Variants in SMCHD1 observed in about 807,000 individuals in gnomAD.
SMCHD1 encodes structural maintenance of chromosomes flexible hinge domain containing 1.
In SMCHD1, 78 loss-of-function variants were observed where a neutral mutation model predicts 254.7. The ratio of observed to expected loss-of-function variants is 0.31; its 90% CI spans 0.26 to 0.37. The LOEUF is 0.37. SMCHD1 is among the 10% of genes least tolerant of loss of function. SMCHD1 has a pLI of 1.00. For missense variants in SMCHD1, 1,840 were observed against 2,408.1 expected (o/e 0.76, Z 4.94); for synonymous variants, 766 against 794.9 (o/e 0.96, Z 0.61).
At chr18:2,716,879 G>A (rs111315048) in intron 17 of SMCHD1, among the ~76,000 whole-genome samples, 6 of 152,310 alleles carry the variant, frequency 3.9e-5, no homozygotes, top group African/African-American at 1.2e-4. Context: ...GCTGCAAAAC[G>A]TCCTGCCAGG....
chr18:2,670,536 C>A (rs531812773), intron 3 of SMCHD1, among the ~76,000 whole-genome samples: 2 of 152,266 alleles, frequency 1.3e-5, no homozygotes, highest in East Asian at 3.9e-4. Context: ...AATGTTAAAT[C>A]CCTAAGAACA....
In SMCHD1 at chr18:2,722,523, T is replaced by C; in HGVS notation, c.2463T>C (p.Gly821=). The C allele has an allele frequency of 6.2e-7, 1 of 1,612,060 alleles. No homozygotes were observed. Among genetic ancestry groups the C allele is most frequent in the South Asian group, 1.1e-5 (1 of 90,532 alleles). Residue 821 remains glycine, a synonymous_variant, in exon 20 of 48, where the codon GGT becomes GGC. Coordinates refer to ENST00000320876, the MANE Select transcript of SMCHD1 (RefSeq NM_015295.3). The part of the protein sequence containing the change: ...SKAIKFSVKE[G]KPEKFSFGLL... ...TCATTTTTGTTTTTGTTAAAGAGGG[T>C]AAGCCAGAGAAATTTTCATTTGGTC...
intron 10 of SMCHD1, among the ~76,000 whole-genome samples, chr18:2,698,568 G>A (rs978918217): frequency 2.0e-5 from 3 of 152,098 alleles, no homozygotes; most frequent in Admixed American, 6.5e-5. Flanking sequence ...GGGTCTTGCC[G>A]TGTTGCCCAG....
chr18:2,701,038 T>C (rs780228553), intron 12 of SMCHD1, 120 bp downstream of exon 12: 31 of 740,768 alleles, frequency 4.2e-5, no homozygotes, highest in Non-Finnish European at 1.0e-5. Context: ...GATGTATAAA[T>C]TTTTTTATGA....
intron 28 of SMCHD1, 100 bp downstream of exon 28, chr18:2,740,921 A>G: frequency 1.5e-6 from 1 of 665,112 alleles, no homozygotes; most frequent in Non-Finnish European, 2.5e-6. Context: ...GTTTGATTTT[A>G]GTTTTTAAAT....
intron 45 of SMCHD1, among the ~76,000 whole-genome samples, chr18:2,795,078 G>C (rs1472597564): frequency 1.4e-5 from 2 of 142,206 alleles, no homozygotes; most frequent in South Asian, 2.3e-4. Flanking sequence ...TTTTGTTTTT[G>C]AGACGGAGTC....
intron 45 of SMCHD1, among the ~76,000 whole-genome samples, chr18:2,788,157 T>C (rs746642177): frequency 5.9e-5 from 9 of 152,188 alleles, no homozygotes; most frequent in Non-Finnish European, 1.3e-4. Context: ...ACCATAAAAA[T>C]TGTCAACTGC....
At chr18:2,739,651 A>C in intron 27 of SMCHD1, 131 bp downstream of exon 27, 1 of 630,648 alleles carries the variant, frequency 1.6e-6, no homozygotes. Context: ...TATAAAATCT[A>C]TTGTCAGATA....
intron 25 of SMCHD1, among the ~76,000 whole-genome samples, chr18:2,732,892 C>T (rs975831048): frequency 6.6e-6 from 1 of 152,174 alleles, no homozygotes; most frequent in African/African-American, 2.4e-5. Context: ...TTGTTAACTA[C>T]AGAGCCTCTA....
chr18:2,774,691 T>G (rs2076037501), intron 41 of SMCHD1, among the ~76,000 whole-genome samples: 1 of 152,156 alleles, frequency 6.6e-6, no homozygotes, highest in African/African-American at 2.4e-5. Flanking sequence ...TAATACAGTC[T>G]TGGGTCACCA....
intron 12 of SMCHD1, among the ~76,000 whole-genome samples, chr18:2,702,894 C>T (rs1054211319): frequency 2.0e-5 from 3 of 152,110 alleles, no homozygotes; most frequent in Admixed American, 6.5e-5. Flanking sequence ...CTGTCCTCTG[C>T]GAAAGCATGT....
Position 2,782,972 on chromosome 18 carries a change from C to A in SMCHD1, c.5548-1478C>A, listed in dbSNP as rs2076181363. ...TAAATACTGGCTTTACCAAAGAATTCACCACAGGATTTCTTCAAATAACCA... is the reference window on the plus strand; with the variant it reads ...TAAATACTGGCTTTACCAAAGAATTAACCACAGGATTTCTTCAAATAACCA... On this transcript the variant is annotated intron_variant, in intron 44 of 47. Coordinates refer to ENST00000320876, the MANE Select transcript of SMCHD1 (RefSeq NM_015295.3). Among the ~76,000 whole-genome samples the A allele has an allele frequency of 2.0e-5, 3 of 152,020 alleles. No individual in the cohort carries two copies. In the South Asian group the frequency reaches 6.2e-4, roughly 32 times the overall value.
intron 34 of SMCHD1, 33 bp from the exon 35 acceptor site, chr18:2,760,619 T>G (rs1237954844): frequency 1.7e-6 from 2 of 1,178,958 alleles, no homozygotes; most frequent in Non-Finnish European, 2.5e-6. Flanking sequence ...TATACAAACA[T>G]TGTCAGTAAT....
intron 29 of SMCHD1, among the ~76,000 whole-genome samples, chr18:2,744,278 T>G (rs2075406370): frequency 6.6e-6 from 1 of 152,216 alleles, no homozygotes; most frequent in Non-Finnish European, 1.5e-5. Context: ...TGTTCTTTGT[T>G]TTCTTATACT....
chr18:2,752,565 A>G lies in SMCHD1; in HGVS notation c.4346+13A>G. 6.6e-7 allele frequency: 1 copy of G among 1,512,756 alleles called. No individual in the cohort carries two copies. The highest frequency in any genetic ancestry group is 1.1e-5 in the South Asian group (1 of 88,316). 93.7% of individuals were successfully genotyped at this position (1,512,756 alleles called of 1,614,324 possible). A position where few individuals can be genotyped will look rare whatever the true frequency, so the allele number is the denominator to read the frequency against. ...GCTTCTATTTCAGGTATTTCTCAAA[A>G]CATTTCATATTTTGAATACATATCT... is the stretch of plus-strand genomic sequence containing the variant. On this transcript the variant is annotated intron_variant, in intron 34 of 47. Transcript: ENST00000320876.
At chr18:2,755,105 A>T (rs1309658428) in intron 34 of SMCHD1, among the ~76,000 whole-genome samples, 2 of 152,102 alleles carry the variant, frequency 1.3e-5, no homozygotes, top group Non-Finnish European at 2.9e-5. Flanking sequence ...CCCAGGCTGT[A>T]GTGCAGTGGT....
chr18:2,752,678 A>G, intron 34 of SMCHD1, 126 bp downstream of exon 34: 1 of 637,070 alleles, frequency 1.6e-6, no homozygotes. Flanking sequence ...TAGTGTCTCT[A>G]AATTTTTCTC....
At position 2,791,255 on chromosome 18, in the gene SMCHD1, C is replaced by T. The variant is rs185092580; in HGVS notation, c.5720-4694C>T. ...TACCTAAGAACAGAGACTTCTGCTTCTCACCAAGATGGAATAACTTACATC... is the reference window on the plus strand; with the variant it reads ...TACCTAAGAACAGAGACTTCTGCTTTTCACCAAGATGGAATAACTTACATC... On this transcript the variant is annotated intron_variant, in intron 45 of 47. Coordinates refer to ENST00000320876, the MANE Select transcript of SMCHD1 (RefSeq NM_015295.3). Among the ~76,000 whole-genome samples, 191 of 152,266 alleles carry T rather than the reference C, an allele frequency of 1.3e-3. 1 individual carries two copies. Among genetic ancestry groups the T allele is most frequent in the Non-Finnish European group, 1.5e-4 (10 of 68,026 alleles).
chr18:2,684,064 C>T (rs2073987241), intron 5 of SMCHD1, among the ~76,000 whole-genome samples: 1 of 151,842 alleles, frequency 6.6e-6, no homozygotes, highest in African/African-American at 2.4e-5. Flanking sequence ...ATTTGAGATG[C>T]TCAACTTGTA....
Sources: gnomAD v4.1 joint callset for allele counts (sites outside exome capture counted in the v4.1 genomes callset) on GRCh38, gnomAD v4.1.1 for gene constraint, MANE v1.5 for transcripts, NCBI Gene and HGNC (gene_info 2026-07-23, HGNC 2026-07-21) for gene names.